The following FHIT variants were observed in gnomAD, a reference collection of about 807,000 sequenced individuals.
The protein encoded by FHIT is fragile histidine triad diadenosine triphosphatase.
In FHIT, 19 loss-of-function variants were observed where a neutral mutation model predicts 17.9. That is an observed-to-expected ratio of 1.06 (90% confidence interval 0.74 to 1.56). The LOEUF (loss-of-function observed/expected upper bound fraction) is 1.56, where lower values mean the gene tolerates loss of function less well. Ranked by LOEUF, FHIT falls within the 40% of genes most tolerant of loss-of-function variation. The pLI is 0.00. For missense variants in FHIT, 248 were observed against 189.2 expected, an observed-to-expected ratio of 1.31 and a Z score of -1.82; for synonymous variants, 81 against 69.7, an observed-to-expected ratio of 1.16 and a Z score of -0.81.
intron 5 of FHIT, among the ~76,000 whole-genome samples, chr3:60,441,050 G>C (rs915295307): frequency 1.3e-5 from 2 of 151,846 alleles, no homozygotes; most frequent in East Asian, 3.9e-4. Context: ...TTTTGTTTTT[G>C]CTTTTGTTCT....
intron 5 of FHIT, among the ~76,000 whole-genome samples, chr3:60,341,193 G>C (rs1455870590): frequency 6.6e-6 from 1 of 152,130 alleles, no homozygotes; most frequent in Non-Finnish European, 1.5e-5. Context: ...CACCGTGGGG[G>C]TGTGTTGTTT....
At chr3:60,486,740 T>C (rs1474228779) in intron 5 of FHIT, among the ~76,000 whole-genome samples, 1 of 152,196 alleles carries the variant, frequency 6.6e-6, no homozygotes, top group African/African-American at 2.4e-5. Context: ...AAAAGACATG[T>C]TATAATGCAT....
chr3:59,951,300 T>C (rs1489531721), intron 7 of FHIT, among the ~76,000 whole-genome samples: 2 of 152,056 alleles, frequency 1.3e-5, no homozygotes, highest in Admixed American at 1.3e-4. Flanking sequence ...TGTTTTTTGC[T>C]TTATTGCCTC....
chr3:60,996,798 T>C (rs2030707488), intron 3 of FHIT, among the ~76,000 whole-genome samples: 1 of 152,250 alleles, frequency 6.6e-6, no homozygotes, highest in South Asian at 2.1e-4. Flanking sequence ...GTTATCATTT[T>C]CACACACCAC....
In FHIT at chr3:61,208,065, G is replaced by C. The variant is rs181258306; in HGVS notation, c.-212-7400C>G. The stretch of plus-strand genomic sequence containing the variant: ...ACATCTTTATTTCTGCCTTCATTTC[G>C]TTATGTACCCCATAGTCACTCAGGA... On this transcript the variant is annotated intron_variant, in intron 1 of 9. Transcript: ENST00000492590. 5.3e-3 allele frequency among the ~76,000 whole-genome samples: 811 copies of C among 152,130 alleles called. 26 individuals are homozygous for C. Among genetic ancestry groups the C allele is most frequent in the Admixed American group, 0.048 (732 of 15,288 alleles).
At chr3:60,726,788 A>T (rs1264709292) in intron 4 of FHIT, among the ~76,000 whole-genome samples, 2 of 152,208 alleles carry the variant, frequency 1.3e-5, no homozygotes, top group Non-Finnish European at 2.9e-5. Context: ...GAGGAAAAGG[A>T]TGTGTAAAGT....
intron 4 of FHIT, among the ~76,000 whole-genome samples, chr3:60,609,325 T>C (rs536693265): frequency 2.3e-5 from 3 of 130,928 alleles, no homozygotes; most frequent in Non-Finnish European, 3.2e-5. Context: ...TTGCTTCCTT[T>C]TTTATTTATT....
intron 7 of FHIT, among the ~76,000 whole-genome samples, chr3:60,008,813 C>A (rs191909875): frequency 6.6e-6 from 1 of 152,322 alleles, no homozygotes; most frequent in Admixed American, 6.5e-5. Flanking sequence ...AAAGATGCTG[C>A]TTTGTCCCCT....
chr3:60,601,690 C>A (rs941034016), intron 4 of FHIT, among the ~76,000 whole-genome samples: 10 of 152,048 alleles, frequency 6.6e-5, no homozygotes, highest in African/African-American at 1.9e-4. Context: ...AAGAAAATAA[C>A]AGAATGTAAA....
chr3:60,561,900 AAAAAG>A (rs2036962674), intron 4 of FHIT, among the ~76,000 whole-genome samples: 2 of 152,018 alleles, frequency 1.3e-5, no homozygotes, highest in Admixed American at 1.3e-4. Context: ...GAAAAGAAAA[AAAAAG>A]AAAAGAGAGA....
intron 6 of FHIT, among the ~76,000 whole-genome samples, chr3:60,013,042 AC>A (rs1700201698): frequency 6.6e-6 from 1 of 152,158 alleles, no homozygotes; most frequent in African/African-American, 2.4e-5. Flanking sequence ...ACACATACAC[AC>A]AAAGCATTTG....
intron 2 of FHIT, among the ~76,000 whole-genome samples, chr3:61,151,993 T>C (rs1276474961): frequency 6.6e-6 from 1 of 152,242 alleles, no homozygotes; most frequent in Non-Finnish European, 1.5e-5. Flanking sequence ...ATTGGAATAC[T>C]TAGCTTATTG....
chr3:60,637,520 A>G (rs2039618951), intron 4 of FHIT, among the ~76,000 whole-genome samples: 1 of 152,158 alleles, frequency 6.6e-6, no homozygotes, highest in African/African-American at 2.4e-5. Flanking sequence ...TTTGTTGAAA[A>G]AATGAACTGC....
At chr3:61,212,811 A>G (rs1162868152) in intron 1 of FHIT, among the ~76,000 whole-genome samples, 2 of 152,256 alleles carry the variant, frequency 1.3e-5, no homozygotes. Flanking sequence ...ATCTCGGCAG[A>G]AATTCTACAA....
intron 5 of FHIT, among the ~76,000 whole-genome samples, chr3:60,079,378 T>G (rs1703174968): frequency 6.6e-6 from 1 of 152,112 alleles, no homozygotes; most frequent in African/African-American, 2.4e-5. Flanking sequence ...AGTGGGAGGA[T>G]GAAAGCAATC....
chr3:59,804,038 G>A (rs1700102096), intron 8 of FHIT, among the ~76,000 whole-genome samples: 1 of 152,230 alleles, frequency 6.6e-6, no homozygotes, highest in Non-Finnish European at 1.5e-5. Context: ...TTAAGTAGCA[G>A]TCTGCCATCA....
At chr3:60,273,814 C>A (rs888688112) in intron 5 of FHIT, among the ~76,000 whole-genome samples, 5 of 152,120 alleles carry the variant, frequency 3.3e-5, no homozygotes, top group Admixed American at 1.3e-4. Context: ...AGAGCTGAGT[C>A]TTCCTGAAGG....
intron 5 of FHIT, among the ~76,000 whole-genome samples, chr3:60,403,454 C>T (rs1245121886): frequency 6.6e-6 from 1 of 152,252 alleles, no homozygotes; most frequent in East Asian, 1.9e-4. Flanking sequence ...AAACAAAAGA[C>T]TCTTGGACCT....
At chr3:60,874,472 A>C (rs1159777857) in intron 3 of FHIT, among the ~76,000 whole-genome samples, 1 of 152,182 alleles carries the variant, frequency 6.6e-6, no homozygotes, top group African/African-American at 2.4e-5. Flanking sequence ...TTTTTCTAGA[A>C]AACCTCACAT....
Sources: allele counts gnomAD v4.1 joint callset (sites outside exome capture counted in the v4.1 genomes callset), GRCh38; gene constraint gnomAD v4.1.1; transcripts MANE v1.5; gene names NCBI Gene and HGNC (gene_info 2026-07-23, HGNC 2026-07-21).